The following SEL1L2 variants were observed in gnomAD, a reference collection of about 807,000 sequenced individuals.
The protein encoded by SEL1L2 is protein sel-1 homolog 2.
SEL1L2 carries 89 observed loss-of-function variants against 98.8 expected under a neutral mutation model. The observed-to-expected ratio is 0.90, with a 90% CI of 0.76 to 1.07. The LOEUF (loss-of-function observed/expected upper bound fraction) is 1.07, where lower values mean the gene tolerates loss of function less well. SEL1L2 is among the 50% of genes least tolerant of loss of function. SEL1L2 has a pLI of 0.00. For synonymous variants in SEL1L2, 262 were observed against 278.5 expected, an observed-to-expected ratio of 0.94 and a Z score of 0.59; for missense variants, 788 against 812.0, an observed-to-expected ratio of 0.97 and a Z score of 0.36.
chr20:13,865,493 G>C lies in SEL1L2; in HGVS notation c.1426C>G (p.Leu476Val). 1.9e-6 allele frequency: 3 copies of C among 1,613,940 alleles called. No individual in the cohort carries two copies. The South Asian group carries it at 3.3e-5, about 18-fold the overall frequency. ...AGGAATTTCTCAGCCCAGTGGCCTA[G>C]TTCACAGACACCTTTATAAAGCTGT... is the stretch of plus-strand genomic sequence containing the variant. ...AVELYKGVCELGHWAEKFLTA... is the reference protein window; with the variant it reads ...AVELYKGVCEVGHWAEKFLTA... Residue 476 changes from leucine (L) to valine (V), a missense_variant, in exon 16 of 20, where the codon CTA becomes GTA. Transcript: ENST00000284951.
Position 13,866,712 on chromosome 20 carries a change from G to T in SEL1L2, c.1394C>A (p.Thr465Asn). Residue 465 changes from threonine (T) to asparagine (N), a missense_variant, in exon 15 of 20, where the codon ACT (threonine) becomes AAT (asparagine). Coordinates refer to ENST00000284951, the MANE Select transcript of SEL1L2 (RefSeq NM_025229.2). Reference protein sequence around the residue: ...TGTGVVRSCRTAVELYKGVCE... With the variant: ...TGTGVVRSCRNAVELYKGVCE... Reference sequence around the variant, plus strand: ...GCATATTATATTTACCTCCACAGCAGTTCTGCATGATCTTACTACTCCTGT... The same window carrying T: ...GCATATTATATTTACCTCCACAGCATTTCTGCATGATCTTACTACTCCTGT... The T allele has an allele frequency of 1.9e-6, 3 of 1,589,022 alleles. No individual in the cohort carries two copies. The highest frequency in any genetic ancestry group is 2.6e-6 in the Non-Finnish European group (3 of 1,170,806).
At chr20:13,899,195 C>T (rs1237513493) in intron 5 of SEL1L2, among the ~76,000 whole-genome samples, 3 of 152,008 alleles carry the variant, frequency 2.0e-5, no homozygotes, top group East Asian at 1.9e-4. Flanking sequence ...ACTCTTATTT[C>T]CTTTTACTTT....
rs1474699552 is a variant in SEL1L2, at chr20:13,892,133, T to C, written c.550-3621A>G. Among the ~76,000 whole-genome samples, 9 of 152,146 alleles carry C rather than the reference T, an allele frequency of 5.9e-5. No individual in the cohort carries two copies. The East Asian group carries it at 1.7e-3, about 29-fold the overall frequency. On this transcript the variant is annotated intron_variant, in intron 5 of 19. Transcript: ENST00000284951. ...ATTTTGTGTGTGATTGACATTGTCATTATCAGTTTAATATAGATTGTTATA... is the reference window on the plus strand; with the variant it reads ...ATTTTGTGTGTGATTGACATTGTCACTATCAGTTTAATATAGATTGTTATA...
intron 12 of SEL1L2, among the ~76,000 whole-genome samples, chr20:13,873,724 T>C (rs915146935): frequency 6.6e-6 from 1 of 152,200 alleles, no homozygotes; most frequent in African/African-American, 2.4e-5. Context: ...AACCCTGCAG[T>C]ATACACCTGC....
chr20:13,864,977 T>C (rs1184838690), intron 17 of SEL1L2, among the ~76,000 whole-genome samples, 190 bp downstream of exon 17: 1 of 152,152 alleles, frequency 6.6e-6, no homozygotes, highest in Non-Finnish European at 1.5e-5. Context: ...TTGATAATAA[T>C]GGGGAAAATA....
Position 13,990,593 on chromosome 20 carries a change from A to G in SEL1L2, c.-59T>C, listed in dbSNP as rs1237835628. On this transcript the variant is annotated 5_prime_UTR_variant, in exon 1 of 20. Coordinates refer to ENST00000284951, the MANE Select transcript of SEL1L2 (RefSeq NM_025229.2). The stretch of plus-strand genomic sequence containing the variant: ...AGGCAGAAACTAGGTGATTGGCCCA[A>G]GAGCTCCTCTTCTCAGGGACTGTGG... 6.0e-6 allele frequency: 8 copies of G among 1,323,352 alleles called. No homozygotes were observed. In the African/African-American group the frequency reaches 1.2e-4, roughly 19 times the overall value. 82.0% of individuals were successfully genotyped at this position (1,323,352 alleles called of 1,614,324 possible).
intron 1 of SEL1L2, among the ~76,000 whole-genome samples, chr20:13,960,626 T>A (rs1463557520): frequency 6.6e-6 from 1 of 152,202 alleles, no homozygotes; most frequent in Non-Finnish European, 1.5e-5. Flanking sequence ...AACATTCTGT[T>A]ACAAATAATG....
intron 2 of SEL1L2, among the ~76,000 whole-genome samples, chr20:13,952,543 C>A (rs1055082038): frequency 2.2e-4 from 33 of 152,280 alleles, no homozygotes; most frequent in African/African-American, 7.5e-4. Flanking sequence ...GCTAAGTTCA[C>A]TGGGACTTGA....
chr20:13,986,031 T>G (rs1288807698), intron 1 of SEL1L2, among the ~76,000 whole-genome samples: 1 of 152,234 alleles, frequency 6.6e-6, no homozygotes, highest in African/African-American at 2.4e-5. Flanking sequence ...GTTGATCTGT[T>G]CATCAGTTGC....
At chr20:13,992,777 G>A (rs1255211128), upstream of SEL1L2, among the ~76,000 whole-genome samples, 1 of 152,162 alleles carries the variant, frequency 6.6e-6, no homozygotes, top group Admixed American at 6.5e-5. Context: ...TTCTGGTGAG[G>A]GTCTTCTTCC....
At chr20:13,907,680 TTC>T (rs2047994797) in intron 5 of SEL1L2, among the ~76,000 whole-genome samples, 1 of 151,030 alleles carries the variant, frequency 6.6e-6, no homozygotes, top group African/African-American at 2.4e-5. Context: ...ATTTCTCTTT[TTC>T]TCTTTCTTTC....
At chr20:13,972,111 G>A (rs901193755) in intron 1 of SEL1L2, among the ~76,000 whole-genome samples, 11 of 151,970 alleles carry the variant, frequency 7.2e-5, no homozygotes, top group Admixed American at 2.0e-4. Flanking sequence ...TGGGAATTCC[G>A]GCGTAATTTC....
At chr20:13,877,227 A>T (rs1277539291) in intron 11 of SEL1L2, among the ~76,000 whole-genome samples, 1 of 152,224 alleles carries the variant, frequency 6.6e-6, no homozygotes, top group Non-Finnish European at 1.5e-5. Flanking sequence ...CTCGGGTTGC[A>T]GCCAGATGTC....
At chr20:13,973,412 T>C (rs766061192) in intron 1 of SEL1L2, 4 of 152,262 alleles carry the variant, frequency 2.6e-5, no homozygotes, top group African/African-American at 7.2e-5. Flanking sequence ...ATGTAAGCAC[T>C]GCTGAGTCCT....
chr20:13,961,524 G>C (rs1016524533), intron 1 of SEL1L2, among the ~76,000 whole-genome samples: 11 of 152,160 alleles, frequency 7.2e-5, no homozygotes, highest in Admixed American at 4.6e-4. Flanking sequence ...AGACTTATAA[G>C]GTTTTTAAAA....
chr20:13,906,779 C>T (rs944182369), intron 5 of SEL1L2, among the ~76,000 whole-genome samples: 4 of 152,054 alleles, frequency 2.6e-5, no homozygotes, highest in South Asian at 2.1e-4. Context: ...CCCAGGTTCC[C>T]GCCATTCTCC....
Position 13,931,738 on chromosome 20 carries a change from G to T in SEL1L2, c.148C>A (p.His50Asn), listed in dbSNP as rs372726905. 35 of 1,549,882 alleles carry T rather than the reference G, an allele frequency of 2.3e-5. No individual in the cohort carries two copies. The African/African-American group carries it at 4.1e-4, about 18-fold the overall frequency. Residue 50 changes from histidine (H) to asparagine (N), a missense_variant, in exon 3 of 20, where the codon CAC becomes AAC. Transcript: ENST00000284951. Reference sequence around the variant, plus strand: ...CTAGATGTTCTTTGTTCCAATATGTGTGATAAATATTGTTTGATTTCGTTC... The same window carrying T: ...CTAGATGTTCTTTGTTCCAATATGTTTGATAAATATTGTTTGATTTCGTTC... ...SVNEIKQYLS[H>N]ILEQRTSSNV...
chr20:13,925,642 C>T (rs891743867), intron 3 of SEL1L2, among the ~76,000 whole-genome samples: 6 of 152,218 alleles, frequency 3.9e-5, no homozygotes. Context: ...TGGTCTGGGA[C>T]TTAAAATACA....
At chr20:13,865,281 C>T (rs770336207) in intron 16 of SEL1L2, 40 bp from the exon 17 acceptor site, 2 of 1,608,584 alleles carry the variant, frequency 1.2e-6, no homozygotes, top group African/African-American at 2.7e-5. Context: ...GCTTAAAATG[C>T]CTCTGTAGTA....
Sources: gnomAD v4.1 joint callset for allele counts (sites outside exome capture counted in the v4.1 genomes callset) on GRCh38, gnomAD v4.1.1 for gene constraint, MANE v1.5 for transcripts, NCBI Gene and HGNC (gene_info 2026-07-23, HGNC 2026-07-21) for gene names.